Variants in ST6GALNAC5 observed in about 807,000 individuals in gnomAD.
The protein encoded by ST6GALNAC5 is ST6 N-acetylgalactosaminide alpha-2,6-sialyltransferase 5, also known as alpha-N-acetylgalactosaminide alpha-2,6-sialyltransferase 5.
Under a neutral mutation model 33.6 loss-of-function variants are expected in ST6GALNAC5, and 27 were observed. The ratio of observed to expected loss-of-function variants is 0.80; its 90% CI spans 0.59 to 1.11. The LOEUF (loss-of-function observed/expected upper bound fraction) is 1.11, where lower values mean the gene tolerates loss of function less well. Ranked by LOEUF, ST6GALNAC5 falls within the 50% of genes least tolerant of loss-of-function variation. The pLI is 0.00. For missense variants in ST6GALNAC5, 428 were observed against 454.0 expected (o/e 0.94, Z 0.52); for synonymous variants, 194 against 171.2 (o/e 1.13, Z -1.04).
At chr1:76,936,192 C>T (rs879606748) in intron 2 of ST6GALNAC5, among the ~76,000 whole-genome samples, 19 of 152,112 alleles carry the variant, frequency 1.2e-4, no homozygotes, top group African/African-American at 4.3e-4. Context: ...GTTAACTCAC[C>T]GTATTATTTC....
Position 76,868,753 on chromosome 1 carries a change from G to A in ST6GALNAC5, c.261+11G>A. 2 of 1,476,290 alleles carry A rather than the reference G, an allele frequency of 1.4e-6. No individual in the cohort carries two copies. The highest frequency in any genetic ancestry group is 1.8e-6 in the Non-Finnish European group (2 of 1,118,170). The allele number at this position is 1,476,290 out of a possible 1,614,324, so 91.4% of individuals were successfully genotyped here. On this transcript the variant is annotated intron_variant, in intron 2 of 4. Coordinates refer to ENST00000477717, the MANE Select transcript of ST6GALNAC5 (RefSeq NM_030965.3). This position sits in a 1 kb window ranked among gnomAD's most constrained non-coding sequence, Gnocchi z 4.3. ...GTGGCGGACCACAAGGTGACAGCAT[G>A]CCCGCCAGCCCGCTCGCCACTCAGC...
At chr1:77,033,210 C>T (rs141085982) in intron 2 of ST6GALNAC5, among the ~76,000 whole-genome samples, 10 of 152,232 alleles carry the variant, frequency 6.6e-5, no homozygotes, top group African/African-American at 2.4e-4. Flanking sequence ...ATCCATGCCC[C>T]CTTTGGACAG....
chr1:76,944,865 A>G (rs1647459897), intron 2 of ST6GALNAC5, among the ~76,000 whole-genome samples: 1 of 152,086 alleles, frequency 6.6e-6, no homozygotes, highest in Non-Finnish European at 1.5e-5. Flanking sequence ...TCTGCTCAGA[A>G]TTCAACTGAG....
chr1:76,984,647 C>G (rs1244159110), intron 2 of ST6GALNAC5, among the ~76,000 whole-genome samples: 1 of 152,164 alleles, frequency 6.6e-6, no homozygotes, highest in Non-Finnish European at 1.5e-5. Context: ...AAGAGGGAAT[C>G]CTCCCTAACT....
intron 2 of ST6GALNAC5, among the ~76,000 whole-genome samples, chr1:76,981,957 T>A (rs1246677981): frequency 6.6e-6 from 1 of 152,108 alleles, no homozygotes; most frequent in Non-Finnish European, 1.5e-5. Context: ...CAGAAAGGAA[T>A]AGCATCAACA....
At chr1:77,023,756 G>A (rs1651136994) in intron 2 of ST6GALNAC5, among the ~76,000 whole-genome samples, 1 of 152,022 alleles carries the variant, frequency 6.6e-6, no homozygotes, top group Admixed American at 6.6e-5. Context: ...GGAAGGGTGA[G>A]GCTGAGCACA....
intron 2 of ST6GALNAC5, among the ~76,000 whole-genome samples, chr1:77,030,313 G>A (rs1651406150): frequency 2.0e-5 from 3 of 152,202 alleles, no homozygotes; most frequent in Admixed American, 2.0e-4. Context: ...GACACTAGCT[G>A]TGCTGCAGAA....
At chr1:76,953,886 G>A (rs879553934) in intron 2 of ST6GALNAC5, among the ~76,000 whole-genome samples, 11 of 152,062 alleles carry the variant, frequency 7.2e-5, no homozygotes, top group South Asian at 2.1e-4. Context: ...AATTGTTCCC[G>A]TGTTGTTTGT....
At chr1:76,908,019 G>A (rs1268219052) in intron 2 of ST6GALNAC5, among the ~76,000 whole-genome samples, 1 of 152,126 alleles carries the variant, frequency 6.6e-6, no homozygotes, top group Non-Finnish European at 1.5e-5. Flanking sequence ...CACACAATTA[G>A]CCCAAAATCT....
chr1:76,881,485 T>G (rs1653777881), intron 2 of ST6GALNAC5, among the ~76,000 whole-genome samples: 1 of 152,180 alleles, frequency 6.6e-6, no homozygotes, highest in Non-Finnish European at 1.5e-5. Flanking sequence ...ATGACAATAC[T>G]TATTCCACTT....
chr1:77,044,081 G>A, intron 2 of ST6GALNAC5, 123 bp from the exon 3 acceptor site: 1 of 1,101,626 alleles, frequency 9.1e-7, no homozygotes, highest in East Asian at 2.6e-5. Flanking sequence ...GATATACTCT[G>A]ACATGATGGG....
chr1:76,879,925 T>C (rs2100920788), intron 2 of ST6GALNAC5, among the ~76,000 whole-genome samples: 1 of 152,328 alleles, frequency 6.6e-6, no homozygotes, highest in South Asian at 2.1e-4. Context: ...GCACCTTTTG[T>C]TGCAAGTCAG....
At chr1:76,903,419 T>G (rs1646836712) in intron 2 of ST6GALNAC5, among the ~76,000 whole-genome samples, 1 of 152,164 alleles carries the variant, frequency 6.6e-6, no homozygotes, top group Non-Finnish European at 1.5e-5. Flanking sequence ...ATTAGATCTC[T>G]CATACATTGC....
intron 2 of ST6GALNAC5, among the ~76,000 whole-genome samples, chr1:76,962,932 T>C (rs1648299406): frequency 6.6e-6 from 1 of 152,216 alleles, no homozygotes; most frequent in South Asian, 2.1e-4. Context: ...AAGCTGAACA[T>C]TGACTTTTTT....
chr1:76,935,930 G>A (rs1379637336), intron 2 of ST6GALNAC5, among the ~76,000 whole-genome samples: 2 of 151,882 alleles, frequency 1.3e-5, no homozygotes, highest in Non-Finnish European at 2.9e-5. Context: ...CCAGATTATG[G>A]GTATAATATA....
intron 2 of ST6GALNAC5, among the ~76,000 whole-genome samples, chr1:77,036,731 G>A (rs1168483015): frequency 2.0e-5 from 3 of 152,366 alleles, no homozygotes; most frequent in Non-Finnish European, 2.9e-5. Context: ...TCTTTGCAAA[G>A]TATATTTGTT....
chr1:76,915,920 T>C (rs985788510), intron 2 of ST6GALNAC5, among the ~76,000 whole-genome samples: 2 of 142,182 alleles, frequency 1.4e-5, no homozygotes, highest in African/African-American at 5.3e-5. Flanking sequence ...ATAATAATAA[T>C]AATAATTTTT....
rs539262743 is a variant in ST6GALNAC5 at position 76,963,392 on chromosome 1, G to A, written c.262-80812G>A. ...AGCAGATACAGTTCTGCCTGCAAAG[G>A]CACCATGGAATTGTGCATGACCAAA... On this transcript the variant is annotated intron_variant, in intron 2 of 4. Transcript: ENST00000477717. Among the ~76,000 whole-genome samples, 5 of 152,292 alleles carry A rather than the reference G, an allele frequency of 3.3e-5. No homozygotes were observed. In the South Asian group the frequency reaches 8.3e-4, roughly 25 times the overall value.
At chr1:77,034,011 G>A (rs1651559116) in intron 2 of ST6GALNAC5, among the ~76,000 whole-genome samples, 1 of 152,176 alleles carries the variant, frequency 6.6e-6, no homozygotes, top group Admixed American at 6.5e-5. Flanking sequence ...GCACTGGTGG[G>A]AGGGTGTTAG....
Sources: allele counts gnomAD v4.1 joint callset (sites outside exome capture counted in the v4.1 genomes callset), GRCh38; gene constraint gnomAD v4.1.1; non-coding constraint Gnocchi (gnomAD v3.1); transcripts MANE v1.5; gene names NCBI Gene and HGNC (gene_info 2026-07-23, HGNC 2026-07-21).